MILR1: variants seen among roughly 807,000 people sequenced by gnomAD.
The protein encoded by MILR1 is mast cell immunoglobulin like receptor 1.
In MILR1, 31 loss-of-function variants were observed where a neutral mutation model predicts 18.5. The observed-to-expected ratio is 1.68, with a 90% CI of 1.26 to 2.26. MILR1 has a LOEUF of 2.26. Among genes scored for constraint, MILR1 ranks in the 30% most tolerant of loss-of-function variants. The probability of loss-of-function intolerance (pLI) is 0.00; values close to 1 mark genes in which losing one functional copy is unlikely to be tolerated. For missense variants in MILR1, 257 were observed against 157.4 expected, an observed-to-expected ratio of 1.63 and a Z score of -3.38; for synonymous variants, 85 against 56.2, an observed-to-expected ratio of 1.51 and a Z score of -2.30.
the MILR1 span, among the ~76,000 whole-genome samples, chr17:64,487,907 G>A: frequency 6.6e-6 from 1 of 152,116 alleles, no homozygotes; most frequent in African/African-American, 2.4e-5. Context: ...AACAATGTCA[G>A]GATATCTGGT....
rs1434434793 is a variant in MILR1, at chr17:64,463,109, C to T, written c.763+2177C>T. 5.9e-5 allele frequency among the ~76,000 whole-genome samples: 9 copies of T among 152,272 alleles called. No individual in the cohort carries two copies. The East Asian group carries it at 1.5e-3, about 26-fold the overall frequency. On this transcript the variant is annotated intron_variant, in intron 5 of 9. Coordinates refer to ENST00000619286, the MANE Select transcript of MILR1 (RefSeq NM_001085423.2). Reference sequence around the variant, plus strand: ...AAAAAAGCATCATTTCTCTCTTCCCCACCTTAAGTGCTACATCCAGCAGAA... The same window carrying T: ...AAAAAAGCATCATTTCTCTCTTCCCTACCTTAAGTGCTACATCCAGCAGAA...
Position 64,460,038 on chromosome 17 carries a change from T to G in MILR1, c.653-784T>G, listed in dbSNP as rs998336018. Reference sequence around the variant, plus strand: ...TTTATTTATTTATTTATTTATTTATTTATTTATTTGAGATGGAGTCTCACT... The same window carrying G: ...TTTATTTATTTATTTATTTATTTATGTATTTATTTGAGATGGAGTCTCACT... On this transcript the variant is annotated intron_variant, in intron 4 of 9. Coordinates refer to ENST00000619286, the MANE Select transcript of MILR1 (RefSeq NM_001085423.2). Among the ~76,000 whole-genome samples, 694 of 145,808 alleles carry G rather than the reference T, an allele frequency of 4.8e-3. 7 individuals carry two copies. The highest frequency in any genetic ancestry group is 0.017 in the African/African-American group (663 of 39,844).
At chr17:64,491,032 A>G in the MILR1 span, 1 of 1,204,614 alleles carries the variant, frequency 8.3e-7, no homozygotes, top group South Asian at 1.2e-5. Flanking sequence ...AACTCCCATA[A>G]TTATCTGTAA....
At chr17:64,466,889 A>G (rs782684788) in intron 8 of MILR1, among the ~76,000 whole-genome samples, 4 of 152,126 alleles carry the variant, frequency 2.6e-5, no homozygotes, top group Non-Finnish European at 4.4e-5. Context: ...TCATAGAAAA[A>G]AAACCCAGAG....
chr17:64,483,144 G>A, the MILR1 span: 1 of 568,990 alleles, frequency 1.8e-6, no homozygotes, highest in Non-Finnish European at 3.2e-6. Context: ...ACAGAAGTTA[G>A]CTGAGGTCAT....
downstream of MILR1, among the ~76,000 whole-genome samples, chr17:64,469,964 G>T (rs936216631): frequency 1.3e-5 from 2 of 152,308 alleles, no homozygotes; most frequent in African/African-American, 4.8e-5. Context: ...TAGAATGGTG[G>T]TTCCTGGGGG....
intron 2 of MILR1, among the ~76,000 whole-genome samples, chr17:64,450,332 T>TATGGTAAAC (rs1326692641): frequency 2.0e-5 from 3 of 152,202 alleles, no homozygotes; most frequent in Non-Finnish European, 4.4e-5. Flanking sequence ...GTGCCAGGCA[T>TATGGTAAAC]ATGGTAAACC....
At chr17:64,474,820 C>A in the MILR1 span, among the ~76,000 whole-genome samples, 348 of 152,148 alleles carry the variant, frequency 2.3e-3, 1 homozygote, top group South Asian at 0.011. Flanking sequence ...ATAAAAAAAA[C>A]CCCAGAGCTC....
the MILR1 span, chr17:64,485,761 G>A: frequency 1.9e-6 from 3 of 1,613,038 alleles, no homozygotes; most frequent in Non-Finnish European, 2.5e-6. Context: ...TTGTAAAGGA[G>A]TTCTCTGTCA....
chr17:64,458,648 T>A (rs1433195293), intron 4 of MILR1, among the ~76,000 whole-genome samples: 1 of 151,948 alleles, frequency 6.6e-6, no homozygotes, highest in Non-Finnish European at 1.5e-5. Flanking sequence ...CTGTGTTTAG[T>A]GGGCTCTGGT....
At chr17:64,482,104 T>G in the MILR1 span, among the ~76,000 whole-genome samples, 20 of 142,360 alleles carry the variant, frequency 1.4e-4, no homozygotes, top group Middle Eastern at 3.5e-3. Flanking sequence ...AGCTTTTTTT[T>G]TTTTTTTTTT....
At chr17:64,488,750 G>T in the MILR1 span, among the ~76,000 whole-genome samples, 8 of 152,074 alleles carry the variant, frequency 5.3e-5, no homozygotes, top group South Asian at 1.7e-3. Context: ...TTTTTCATTA[G>T]TTATTCATAT....
At chr17:64,481,628 G>A in the MILR1 span, among the ~76,000 whole-genome samples, 14 of 152,076 alleles carry the variant, frequency 9.2e-5, no homozygotes, top group South Asian at 2.1e-4. Flanking sequence ...ATCCCAGCAC[G>A]TTGGGAGGCC....
chr17:64,457,775 A>G, intron 4 of MILR1, 91 bp downstream of exon 4: 1 of 462,200 alleles, frequency 2.2e-6, no homozygotes, highest in Non-Finnish European at 3.9e-6. Context: ...CACCATGGCC[A>G]CCTGACCTTC....
intron 3 of MILR1, among the ~76,000 whole-genome samples, chr17:64,454,126 C>T (rs2037237949): frequency 6.6e-6 from 1 of 151,986 alleles, no homozygotes; most frequent in African/African-American, 2.4e-5. Flanking sequence ...GATGGGGTTT[C>T]ACCATGTTGA....
chr17:64,485,956 G>C, the MILR1 span: 1 of 1,346,242 alleles, frequency 7.4e-7, no homozygotes, highest in Non-Finnish European at 1.0e-6. Context: ...TCTGTCACCT[G>C]GCCAGGCTGG....
At chr17:64,463,854 C>T (rs1210494007) in intron 5 of MILR1, among the ~76,000 whole-genome samples, 3 of 137,382 alleles carry the variant, frequency 2.2e-5, no homozygotes, top group Admixed American at 7.8e-5. Context: ...GGCAGAGTCT[C>T]GCTCTGTTGC....
At chr17:64,477,590 T>G in the MILR1 span, among the ~76,000 whole-genome samples, 3 of 152,328 alleles carry the variant, frequency 2.0e-5, no homozygotes, top group East Asian at 5.8e-4. Flanking sequence ...GCTAGAGTTC[T>G]TGTATGTAAG....
chr17:64,480,380 C>A, the MILR1 span: 2 of 1,524,774 alleles, frequency 1.3e-6, no homozygotes, highest in Non-Finnish European at 1.8e-6. Flanking sequence ...TTAAATAGCC[C>A]TTGACAAACC....
Sources: gnomAD v4.1 joint callset for allele counts (sites outside exome capture counted in the v4.1 genomes callset) on GRCh38, gnomAD v4.1.1 for gene constraint, MANE v1.5 for transcripts, NCBI Gene and HGNC (gene_info 2026-07-23, HGNC 2026-07-21) for gene names.